Variants in NIPBL observed in about 807,000 individuals in gnomAD.
NIPBL encodes the protein NIPBL cohesin loading factor.
NIPBL carries 19 observed loss-of-function variants against 321.8 expected under a neutral mutation model. The observed-to-expected ratio is 0.06, with a 90% confidence interval of 0.04 to 0.09. The LOEUF (loss-of-function observed/expected upper bound fraction) is 0.09. Among genes scored for constraint, NIPBL ranks in the 10% least tolerant of loss-of-function variants. The pLI, the probability that NIPBL is intolerant of heterozygous loss-of-function variation, is 1.00. For synonymous variants in NIPBL, 1,106 were observed against 1,114.1 expected, an observed-to-expected ratio of 0.99 and a Z score of 0.14; for missense variants, 2,210 against 3,327.0, an observed-to-expected ratio of 0.66 and a Z score of 8.26.
intron 1 of NIPBL, among the ~76,000 whole-genome samples, chr5:36,940,904 A>G (rs1738993113): frequency 6.6e-6 from 1 of 152,224 alleles, no homozygotes; most frequent in African/African-American, 2.4e-5. Flanking sequence ...TATGGAATTT[A>G]TCACAAATAT....
chr5:37,038,582 TTC>T lies in NIPBL; in HGVS notation c.5972-16_5972-15del, dbSNP rs1327351282. ...ACCTTGTCATATTTTAGTGTCTTAT[TTC>T]TCTGTTTGTTTTTCCAGACTCTGAC... On this transcript the variant is annotated intron_variant, in intron 33 of 46. Transcript: ENST00000282516. 4 of 1,610,938 alleles carry T rather than the reference TTC, an allele frequency of 2.5e-6. No homozygotes were observed. The highest frequency in any genetic ancestry group is 3.3e-5 in the Admixed American group (2 of 59,986).
intron 1 of NIPBL, among the ~76,000 whole-genome samples, chr5:36,944,599 T>G (rs1171076667): frequency 6.6e-6 from 1 of 152,108 alleles, no homozygotes; most frequent in Non-Finnish European, 1.5e-5. Flanking sequence ...TCACAAATTT[T>G]TCTTATATTT....
intron 43 of NIPBL, among the ~76,000 whole-genome samples, chr5:37,057,783 A>T (rs1419979077): frequency 6.6e-6 from 1 of 152,194 alleles, no homozygotes; most frequent in African/African-American, 2.4e-5. Context: ...TAGAGTTTGC[A>T]TATGTGTGCC....
chr5:36,982,274 T>C, intron 9 of NIPBL: 1 of 923,156 alleles, frequency 1.1e-6, no homozygotes, highest in East Asian at 1.2e-4. Flanking sequence ...TGGCTTTCCA[T>C]GATTATTAGG....
rs559691692 is a variant in NIPBL at position 36,960,926 on chromosome 5, T to C, written c.359-558T>C. Among the ~76,000 whole-genome samples the C allele has an allele frequency of 1.4e-4, 22 of 152,296 alleles. No homozygotes were observed. The South Asian group carries it at 4.4e-3, about 30-fold the overall frequency. Reference sequence around the variant, plus strand: ...TCCCTACTATGTGACAAAGAGTTATTGTGAAAGAAGGAATAGGTACATTCT... The same window carrying C: ...TCCCTACTATGTGACAAAGAGTTATCGTGAAAGAAGGAATAGGTACATTCT... On this transcript the variant is annotated intron_variant, in intron 4 of 46. Coordinates refer to ENST00000282516, the MANE Select transcript of NIPBL (RefSeq NM_133433.4).
Position 37,049,255 on chromosome 5 carries a change from A to G in NIPBL, c.6908A>G (p.Asn2303Ser), listed in dbSNP as rs776353314. Residue 2303 changes from asparagine to serine, a missense_variant, in exon 40 of 47, where the codon AAT (asparagine) becomes AGT (serine). By Grantham distance (46) the Asn-to-Ser change is conservative (BLOSUM62 1). This residue lies in a region of NIPBL where 112 missense variants were observed against 288.3 expected (regional missense o/e 0.39). Coordinates refer to ENST00000282516, the MANE Select transcript of NIPBL (RefSeq NM_133433.4). ...TQSSVRHFAL[N>S]VIALTLNQGL... Reference sequence around the variant, plus strand: ...TCAAGTGTACGCCACTTTGCCCTAAATGTCATTGCATTGACTCTAAATCAA... The same window carrying G: ...TCAAGTGTACGCCACTTTGCCCTAAGTGTCATTGCATTGACTCTAAATCAA... The G allele has an allele frequency of 1.2e-6, 2 of 1,614,120 alleles. No individual in the cohort carries two copies. Among genetic ancestry groups the G allele is most frequent in the Admixed American group, 1.7e-5 (1 of 60,010 alleles).
intron 1 of NIPBL, among the ~76,000 whole-genome samples, chr5:36,951,553 T>C (rs557211027): frequency 6.6e-6 from 1 of 152,280 alleles, no homozygotes; most frequent in African/African-American, 2.4e-5. Flanking sequence ...TTAGGAAAAA[T>C]TCATTGTGTT....
At chr5:36,995,940 T>C in intron 11 of NIPBL, 136 bp downstream of exon 11, 3 of 709,882 alleles carry the variant, frequency 4.2e-6, no homozygotes, top group South Asian at 1.8e-5. Flanking sequence ...TAAGTTTTTT[T>C]CTCTATACTT....
At chr5:36,895,843 A>G (rs948780392) in intron 1 of NIPBL, among the ~76,000 whole-genome samples, 6 of 152,206 alleles carry the variant, frequency 3.9e-5, no homozygotes, top group African/African-American at 1.2e-4. Context: ...GTTGTTAGAC[A>G]TATTCTAGAT....
At position 36,963,963 on chromosome 5, in the gene NIPBL, A is replaced by G. The variant is rs1376607144; in HGVS notation, c.610+1689A>G. ...GGAAAAATGTCAAAAGAGCACATCC[A>G]TATACACATGAATGTGTGTAAAACA... is the stretch of plus-strand genomic sequence containing the variant. On this transcript the variant is annotated intron_variant, in intron 6 of 46. Transcript: ENST00000282516. Among the ~76,000 whole-genome samples, 7 of 152,318 alleles carry G rather than the reference A, an allele frequency of 4.6e-5. No homozygotes were observed. The South Asian group carries it at 8.3e-4, about 18-fold the overall frequency.
chr5:37,002,456 A>G (rs186077322), intron 14 of NIPBL, among the ~76,000 whole-genome samples: 26 of 152,310 alleles, frequency 1.7e-4, no homozygotes, highest in African/African-American at 5.5e-4. Flanking sequence ...TAAGATATCT[A>G]TCTCATCTTC....
intron 38 of NIPBL, among the ~76,000 whole-genome samples, chr5:37,047,860 T>A (rs757677453): frequency 6.6e-6 from 1 of 152,232 alleles, no homozygotes; most frequent in East Asian, 1.9e-4. Flanking sequence ...ATGGATGATA[T>A]ATTGCTACTT....
intron 33 of NIPBL, among the ~76,000 whole-genome samples, chr5:37,037,561 G>T (rs998734487): frequency 6.7e-6 from 1 of 150,324 alleles, no homozygotes; most frequent in African/African-American, 2.4e-5. Context: ...GGAGCCAATA[G>T]CCTCTAACAG....
intron 45 of NIPBL, among the ~76,000 whole-genome samples, chr5:37,062,869 A>G (rs6895401): frequency 0.031 from 4,708 of 152,134 alleles, 227 homozygotes; most frequent in African/African-American, 0.11. Flanking sequence ...ACAGTGAGCC[A>G]TGATCGTGCC....
intron 14 of NIPBL, among the ~76,000 whole-genome samples, chr5:37,002,436 G>C (rs1297575545): frequency 6.6e-6 from 1 of 152,138 alleles, no homozygotes; most frequent in Non-Finnish European, 1.5e-5. Flanking sequence ...TATATCTAAA[G>C]TAGTAAAGAT....
intron 1 of NIPBL, among the ~76,000 whole-genome samples, chr5:36,883,294 T>C (rs1745642241): frequency 2.0e-5 from 3 of 151,928 alleles, no homozygotes; most frequent in Admixed American, 1.3e-4. Context: ...GAGTTCTCTT[T>C]TGTACATATT....
intron 1 of NIPBL, chr5:36,885,069 A>ATT: frequency 2.3e-5 from 5 of 216,224 alleles, no homozygotes; most frequent in South Asian, 5.7e-5. Context: ...TGCAGTTTTA[A>ATT]TTTTTTTTTT....
intron 1 of NIPBL, among the ~76,000 whole-genome samples, chr5:36,932,558 C>T (rs180693139): frequency 1.3e-5 from 2 of 151,622 alleles, no homozygotes; most frequent in Non-Finnish European, 2.9e-5. Flanking sequence ...TACTTTCAAC[C>T]TATTTGTATC....
In NIPBL at chr5:36,920,805, ATCT is replaced by A. The variant is rs751473119; in HGVS notation, c.-79-32805_-79-32803del. 1.2e-3 allele frequency among the ~76,000 whole-genome samples: 185 copies of A among 150,726 alleles called. 1 individual carries two copies. The highest frequency in any genetic ancestry group is 4.4e-3 in the African/African-American group (179 of 40,976). On this transcript the variant is annotated intron_variant, in intron 1 of 46. Transcript: ENST00000282516. ...TTAACCTGTATCTGTCACCTTACAT[ATCT>A]TCTTCTTTGTTCCTTAATTTTTTTT...
Sources: gnomAD v4.1 joint callset for allele counts (sites outside exome capture counted in the v4.1 genomes callset) on GRCh38, gnomAD v4.1.1 for gene constraint, gnomAD v4.1.1 regional missense constraint, MANE v1.5 for transcripts, NCBI Gene and HGNC (gene_info 2026-07-23, HGNC 2026-07-21) for gene names.